NIPAL3: variants seen among roughly 807,000 people sequenced by gnomAD.
NIPAL3 encodes the protein NIPA like domain containing 3.
In NIPAL3, 41 loss-of-function variants were observed where a neutral mutation model predicts 47.2. That is an observed-to-expected ratio of 0.87 (90% CI 0.68 to 1.13). The LOEUF is 1.13. Among genes scored for constraint, NIPAL3 ranks in the 50% most tolerant of loss-of-function variants. NIPAL3 has a pLI of 0.00. For missense variants in NIPAL3, 449 were observed against 530.1 expected (o/e 0.85, Z 1.50); for synonymous variants, 194 against 209.6 (o/e 0.93, Z 0.64).
At chr1:24,428,658 C>T (rs1405864464) in intron 2 of NIPAL3, among the ~76,000 whole-genome samples, 1 of 152,212 alleles carries the variant, frequency 6.6e-6, no homozygotes, top group Non-Finnish European at 1.5e-5. Context: ...TGAAGGCTCC[C>T]ATGTCACATA....
chr1:24,425,974 C>A (rs866868866), intron 2 of NIPAL3, among the ~76,000 whole-genome samples: 18 of 152,280 alleles, frequency 1.2e-4, no homozygotes, highest in Middle Eastern at 3.4e-3. Context: ...TTATTGTAAT[C>A]ATCATCATAA....
intron 2 of NIPAL3, among the ~76,000 whole-genome samples, chr1:24,426,598 G>C (rs1644601936): frequency 6.6e-6 from 1 of 152,146 alleles, no homozygotes. Flanking sequence ...CTGGTAGTTG[G>C]GAGGCCTCAT....
intron 2 of NIPAL3, 72 bp downstream of exon 2, chr1:24,419,712 T>C: frequency 7.4e-7 from 1 of 1,348,194 alleles, no homozygotes; most frequent in East Asian, 2.4e-5. Context: ...CTGCATTGGC[T>C]AACAGATATG....
chr1:24,423,262 C>A (rs546801671), intron 2 of NIPAL3, among the ~76,000 whole-genome samples: 33 of 152,364 alleles, frequency 2.2e-4, no homozygotes, highest in African/African-American at 7.5e-4. Flanking sequence ...AGAAGCTGTT[C>A]TCTTGAGTTT....
intron 5 of NIPAL3, among the ~76,000 whole-genome samples, chr1:24,446,543 T>C (rs6692395): frequency 0.089 from 13,522 of 152,106 alleles, 1,891 homozygotes; most frequent in African/African-American, 0.3. Context: ...TTTCTGTTCC[T>C]GCATTAGTTT....
At chr1:24,439,633 T>C (rs1645284108) in intron 2 of NIPAL3, among the ~76,000 whole-genome samples, 1 of 152,182 alleles carries the variant, frequency 6.6e-6, no homozygotes, top group Non-Finnish European at 1.5e-5. Flanking sequence ...GAATATATGT[T>C]TGGTAATCAT....
At chr1:24,445,435 A>G (rs545443464) in intron 5 of NIPAL3, among the ~76,000 whole-genome samples, 191 bp downstream of exon 5, 171 of 152,238 alleles carry the variant, frequency 1.1e-3, no homozygotes, top group African/African-American at 3.8e-3. Context: ...ACACCTCAGA[A>G]TCATCGGTGA....
rs1646192799 is a variant in NIPAL3 at position 24,456,200 on chromosome 1, A to G, written c.700A>G (p.Asn234Asp). 6 of 1,614,178 alleles carry G rather than the reference A, an allele frequency of 3.7e-6. No homozygotes were observed. The highest frequency in any genetic ancestry group is 5.1e-6 in the Non-Finnish European group (6 of 1,180,024). The change falls in exon 8 of 12, where the codon AAC becomes GAC. Residue 234 changes from asparagine (N) to aspartate (D), a missense_variant. Transcript: ENST00000374399. ...GATGCTTGTCTTGTCCATTCAAGGG[A>G]ACCTGCAGCTTGACTACCCCATCTT... ...AGMLVLSIQGNLQLDYPIFYV... is the reference protein window; with the variant it reads ...AGMLVLSIQGDLQLDYPIFYV...
intron 11 of NIPAL3, among the ~76,000 whole-genome samples, chr1:24,466,845 C>A (rs1386350249): frequency 1.3e-5 from 2 of 152,180 alleles, no homozygotes; most frequent in Non-Finnish European, 2.9e-5. Flanking sequence ...TGCCCTCCCC[C>A]AAAATCCAAA....
chr1:24,419,519 G>A lies in NIPAL3; in HGVS notation c.-29G>A, dbSNP rs895424654. Reference sequence around the variant, plus strand: ...AGCAGCAGCTCCACCTCCTAGGCCAGGCCCTGTGGGATGCGCCACTAGACC... The same window carrying A: ...AGCAGCAGCTCCACCTCCTAGGCCAAGCCCTGTGGGATGCGCCACTAGACC... On this transcript the variant is annotated 5_prime_UTR_variant, in exon 2 of 12. Coordinates refer to ENST00000374399, the MANE Select transcript of NIPAL3 (RefSeq NM_020448.5). 1.1e-5 allele frequency: 18 copies of A among 1,593,168 alleles called. No homozygotes were observed. The highest frequency in any genetic ancestry group is 1.5e-5 in the Non-Finnish European group (17 of 1,169,706).
At chr1:24,467,369 C>T (rs1404127210) in intron 11 of NIPAL3, among the ~76,000 whole-genome samples, 1 of 151,912 alleles carries the variant, frequency 6.6e-6, no homozygotes, top group Non-Finnish European at 1.5e-5. Context: ...ACTCGGGAGG[C>T]TCAGGCAGGA....
intron 2 of NIPAL3, among the ~76,000 whole-genome samples, chr1:24,420,862 G>A (rs1644298140): frequency 6.6e-6 from 1 of 152,072 alleles, no homozygotes; most frequent in African/African-American, 2.4e-5. Context: ...TCTCTGTGCT[G>A]ATCTCTGATC....
chr1:24,425,695 G>A (rs1258026120), intron 2 of NIPAL3, among the ~76,000 whole-genome samples: 1 of 152,114 alleles, frequency 6.6e-6, no homozygotes, highest in East Asian at 1.9e-4. Context: ...CACCAGCTCT[G>A]TTATTTTCTA....
In NIPAL3 at chr1:24,415,843, C is replaced by A; in HGVS notation, c.-319C>A. On this transcript the variant is annotated 5_prime_UTR_variant, in exon 1 of 12. Transcript: ENST00000374399. ...AAGGAGGCTGTGCCTCCGGGTTGCA[C>A]GAAGAGTCCGAGTCATTTCTCAGAA... 4 of 985,414 alleles carry A rather than the reference C, an allele frequency of 4.1e-6. No individual in the cohort carries two copies. Among genetic ancestry groups the A allele is most frequent in the Non-Finnish European group, 4.8e-6 (4 of 829,946 alleles). The allele number at this position is 985,414 out of a possible 1,614,324, so 61.0% of individuals were successfully genotyped here. A position where few individuals can be genotyped will look rare whatever the true frequency, so the allele number is the denominator to read the frequency against.
Position 24,449,343 on chromosome 1 carries a change from TA to T in NIPAL3, c.395-135del, listed in dbSNP as rs1645820982. 2.4e-6 allele frequency: 2 copies of T among 817,522 alleles called. No individual in the cohort carries two copies. The highest frequency in any genetic ancestry group is 3.5e-6 in the Non-Finnish European group (2 of 564,724). 50.6% of individuals were successfully genotyped at this position (817,522 alleles called of 1,614,324 possible). On this transcript the variant is annotated intron_variant, in intron 5 of 11. Transcript: ENST00000374399. The surrounding 1 kb of genome is among the most constrained non-coding windows in gnomAD (Gnocchi z 4.5). ...AAGGAAAATCATTTATTTTTTAAAG[TA>T]AAGAAAAACCAAAAATACAAACAAT...
At chr1:24,421,070 C>T (rs1226370750) in intron 2 of NIPAL3, among the ~76,000 whole-genome samples, 5 of 151,958 alleles carry the variant, frequency 3.3e-5, no homozygotes, top group Non-Finnish European at 7.4e-5. Flanking sequence ...GTAACTTCAA[C>T]ACTTTGGGAA....
rs904840855 is a variant in NIPAL3 at position 24,454,374 on chromosome 1, AG to A, written c.637+877del. 1.9e-6 allele frequency: 2 copies of A among 1,049,874 alleles called. No homozygotes were observed. The highest frequency in any genetic ancestry group is 2.3e-6 in the Non-Finnish European group (2 of 868,186). 65.0% of individuals were successfully genotyped at this position (1,049,874 alleles called of 1,614,324 possible). A position where few individuals can be genotyped will look rare whatever the true frequency, so the allele number is the denominator to read the frequency against. On this transcript the variant is annotated intron_variant, in intron 7 of 11. Transcript: ENST00000374399. The surrounding 1 kb of genome is among the most constrained non-coding windows in gnomAD (Gnocchi z 4.1). Reference sequence around the variant, plus strand: ...TAAGCCACGCTGTCCACTTCTCTAAAGGGGGGGCCTATGAGAACATCCAAGT... The same window carrying A: ...TAAGCCACGCTGTCCACTTCTCTAAAGGGGGGCCTATGAGAACATCCAAGT...
chr1:24,437,201 G>T (rs560703965), intron 2 of NIPAL3, among the ~76,000 whole-genome samples: 1 of 152,086 alleles, frequency 6.6e-6, no homozygotes, highest in Non-Finnish European at 1.5e-5. Flanking sequence ...GCAGTGAGCC[G>T]AGATTGCGCC....
intron 11 of NIPAL3, among the ~76,000 whole-genome samples, chr1:24,468,499 C>T (rs1257214818): frequency 2.0e-5 from 3 of 152,098 alleles, no homozygotes; most frequent in Non-Finnish European, 4.4e-5. Context: ...TATAAGTGGA[C>T]CAGGGAATTT....
Sources: allele counts gnomAD v4.1 joint callset (sites outside exome capture counted in the v4.1 genomes callset), GRCh38; gene constraint gnomAD v4.1.1; non-coding constraint Gnocchi (gnomAD v3.1); transcripts MANE v1.5; gene names NCBI Gene and HGNC (gene_info 2026-07-23, HGNC 2026-07-21).